Variants in ADGRL2 observed in about 807,000 individuals in gnomAD.
ADGRL2 encodes adhesion G protein-coupled receptor L2, also known as calcium-independent alpha-latrotoxin receptor 2.
Under a neutral mutation model 157.4 loss-of-function variants are expected in ADGRL2, and 44 were observed. That is an observed-to-expected ratio of 0.28 (90% CI 0.22 to 0.36). The LOEUF (loss-of-function observed/expected upper bound fraction) is 0.36, where lower values mean the gene tolerates loss of function less well. Among genes scored for constraint, ADGRL2 ranks in the 10% least tolerant of loss-of-function variants. ADGRL2 has a pLI of 1.00. For synonymous variants in ADGRL2, 585 were observed against 624.7 expected, an observed-to-expected ratio of 0.94 and a Z score of 0.95; for missense variants, 1,510 against 1,768.9, an observed-to-expected ratio of 0.85 and a Z score of 2.63.
intron 1 of ADGRL2, among the ~76,000 whole-genome samples, chr1:81,746,891 T>C (rs139037348): frequency 0.067 from 9,967 of 149,450 alleles, 421 homozygotes; most frequent in Non-Finnish European, 0.095. Flanking sequence ...TGCACACGTA[T>C]ACACGTATAT....
chr1:81,988,566 A>T (rs1157274028), intron 23 of ADGRL2: 1 of 152,168 alleles, frequency 6.6e-6, no homozygotes, highest in African/African-American at 2.4e-5. Flanking sequence ...ACAAATAACT[A>T]TCACAATTTC....
chr1:81,355,290 TG>T (rs1168150720), intron 1 of ADGRL2, among the ~76,000 whole-genome samples: 1 of 151,934 alleles, frequency 6.6e-6, no homozygotes, highest in Non-Finnish European at 1.5e-5. Context: ...ACTTAGGAGA[TG>T]GAGGCTGCCG....
chr1:81,637,292 T>C (rs1397067065), intron 3 of ADGRL2, among the ~76,000 whole-genome samples: 2 of 152,216 alleles, frequency 1.3e-5, no homozygotes, highest in Non-Finnish European at 2.9e-5. Context: ...GTTATTCCTT[T>C]AATCTTCACA....
At chr1:81,524,100 C>T (rs149999377) in intron 2 of ADGRL2, among the ~76,000 whole-genome samples, 9,238 of 152,038 alleles carry the variant, frequency 0.061, 336 homozygotes, top group South Asian at 0.097. Context: ...GTGGCTCACG[C>T]CTGTAATCCC....
At chr1:81,326,902 A>G (rs1660940801) in intron 1 of ADGRL2, among the ~76,000 whole-genome samples, 1 of 152,208 alleles carries the variant, frequency 6.6e-6, no homozygotes, top group Non-Finnish European at 1.5e-5. Context: ...CATAAACTCT[A>G]GAGGTAGCTT....
At chr1:81,320,899 C>A (rs1234038638) in intron 1 of ADGRL2, among the ~76,000 whole-genome samples, 1 of 152,212 alleles carries the variant, frequency 6.6e-6, no homozygotes, top group Non-Finnish European at 1.5e-5. Context: ...CAAAGTCATC[C>A]TGTTCTCTGA....
chr1:81,678,655 T>C (rs756839287), intron 3 of ADGRL2, among the ~76,000 whole-genome samples: 10 of 152,220 alleles, frequency 6.6e-5, no homozygotes, highest in African/African-American at 9.6e-5. Flanking sequence ...AAGTGGCCTT[T>C]ATGTATGACT....
chr1:81,634,429 C>T (rs1184193183), intron 3 of ADGRL2, among the ~76,000 whole-genome samples: 1 of 151,860 alleles, frequency 6.6e-6, no homozygotes, highest in African/African-American at 2.4e-5. Context: ...CATCATCTGG[C>T]TTCTGCTTGC....
At chr1:81,421,613 T>C (rs1001641210) in intron 1 of ADGRL2, among the ~76,000 whole-genome samples, 4 of 152,210 alleles carry the variant, frequency 2.6e-5, no homozygotes, top group African/African-American at 7.2e-5. Context: ...CACGTGAGTA[T>C]TTGAGCTATC....
chr1:81,725,287 C>G (rs2084483107), intron 1 of ADGRL2, among the ~76,000 whole-genome samples: 2 of 151,548 alleles, frequency 1.3e-5, no homozygotes, highest in South Asian at 4.2e-4. Flanking sequence ...TACTTGTAAT[C>G]CCAGCACTTT....
chr1:81,524,466 T>G (rs533809390), intron 2 of ADGRL2, among the ~76,000 whole-genome samples: 2 of 152,314 alleles, frequency 1.3e-5, no homozygotes, highest in South Asian at 4.1e-4. Flanking sequence ...ATTATACACA[T>G]ACATGTGAAA....
At position 81,966,522 on chromosome 1, in the gene ADGRL2, C is replaced by T; in HGVS notation, c.2262C>T (p.Asn754=). The part of the protein sequence containing the change: ...FIGRNSTIAV[N]SHVISVSINK... Reference sequence around the variant, plus strand: ...GTCGTAATAGCACCATTGCAGTGAACTCTCACGTCATTTCAGTTTCAATCA... The same window carrying T: ...GTCGTAATAGCACCATTGCAGTGAATTCTCACGTCATTTCAGTTTCAATCA... Residue 754 remains asparagine (N), a synonymous_variant, in exon 13 of 24, where the codon AAC becomes AAT. Coordinates refer to ENST00000686636, the MANE Select transcript of ADGRL2 (RefSeq NM_001366006.2). 2.5e-6 allele frequency: 4 copies of T among 1,613,966 alleles called. No homozygotes were observed. Among genetic ancestry groups the T allele is most frequent in the Non-Finnish European group, 3.4e-6 (4 of 1,179,870 alleles).
At chr1:81,810,974 A>G (rs1204199282) in intron 1 of ADGRL2, among the ~76,000 whole-genome samples, 1 of 151,900 alleles carries the variant, frequency 6.6e-6, no homozygotes, top group South Asian at 2.1e-4. Context: ...ATAGCTCAAT[A>G]GATGAATAAA....
At chr1:81,872,360 A>G (rs1251885238) in intron 2 of ADGRL2, among the ~76,000 whole-genome samples, 2 of 152,174 alleles carry the variant, frequency 1.3e-5, no homozygotes, top group Non-Finnish European at 1.5e-5. Flanking sequence ...GAAGTCAGGT[A>G]GCGTGATGCC....
At chr1:81,594,673 C>A (rs1247408116) in intron 3 of ADGRL2, among the ~76,000 whole-genome samples, 1 of 152,132 alleles carries the variant, frequency 6.6e-6, no homozygotes, top group East Asian at 1.9e-4. Flanking sequence ...ATTGGTCTCA[C>A]CTATTACGTG....
At chr1:81,781,588 G>A (rs2086814078) in intron 2 of ADGRL2, among the ~76,000 whole-genome samples, 1 of 152,124 alleles carries the variant, frequency 6.6e-6, no homozygotes, top group Non-Finnish European at 1.5e-5. Flanking sequence ...GTTATCACAG[G>A]ACTGATAGCA....
At chr1:81,603,642 T>C (rs2081376804) in intron 3 of ADGRL2, among the ~76,000 whole-genome samples, 2 of 152,208 alleles carry the variant, frequency 1.3e-5, no homozygotes, top group African/African-American at 4.8e-5. Context: ...CATGGTAACT[T>C]GTGCTATCAG....
intron 2 of ADGRL2, among the ~76,000 whole-genome samples, chr1:81,465,313 AG>A (rs2101831770): frequency 6.6e-6 from 1 of 152,314 alleles, no homozygotes; most frequent in Admixed American, 6.5e-5. Flanking sequence ...TATTATTTTT[AG>A]GGAATTATAT....
intron 18 of ADGRL2, chr1:81,981,040 A>G: frequency 2.4e-6 from 1 of 418,896 alleles, no homozygotes; most frequent in Non-Finnish European, 4.5e-6. Context: ...TAATTTATAA[A>G]ATATATAAAT....
Sources: gnomAD v4.1 joint callset for allele counts (sites outside exome capture counted in the v4.1 genomes callset) on GRCh38, gnomAD v4.1.1 for gene constraint, MANE v1.5 for transcripts, NCBI Gene and HGNC (gene_info 2026-07-23, HGNC 2026-07-21) for gene names.